TMEM132D: variants seen among roughly 807,000 people sequenced by gnomAD.
The protein encoded by TMEM132D is mature OL transmembrane protein.
Under a neutral mutation model 62.3 loss-of-function variants are expected in TMEM132D, and 21 were observed. The observed-to-expected ratio is 0.34, with a 90% CI of 0.24 to 0.49. The LOEUF is 0.49. Among genes scored for constraint, TMEM132D ranks in the 20% least tolerant of loss-of-function variants. TMEM132D has a pLI of 0.99. For missense variants in TMEM132D, 1,346 were observed against 1,402.8 expected, an observed-to-expected ratio of 0.96 and a Z score of 0.65; for synonymous variants, 621 against 575.6, an observed-to-expected ratio of 1.08 and a Z score of -1.13.
At chr12:129,769,101 T>C (rs1870646492) in intron 1 of TMEM132D, among the ~76,000 whole-genome samples, 1 of 152,186 alleles carries the variant, frequency 6.6e-6, no homozygotes, top group Admixed American at 6.5e-5. Flanking sequence ...ATTTCATCAT[T>C]TTATAAGAGC....
At chr12:129,311,064 A>G (rs57323633) in intron 4 of TMEM132D, among the ~76,000 whole-genome samples, 2,148 of 137,086 alleles carry the variant, frequency 0.016, 465 homozygotes, top group African/African-American at 0.059. Flanking sequence ...CGGGCGTGGT[A>G]GCGGGCGCCT....
intron 3 of TMEM132D, among the ~76,000 whole-genome samples, chr12:129,515,252 T>C (rs894313094): frequency 1.3e-5 from 2 of 152,208 alleles, no homozygotes; most frequent in African/African-American, 2.4e-5. Context: ...TTGCTGTCGG[T>C]ACACTGGTTT....
At chr12:129,702,703 C>T (rs1167301389) in intron 1 of TMEM132D, among the ~76,000 whole-genome samples, 1 of 152,176 alleles carries the variant, frequency 6.6e-6, no homozygotes, top group Non-Finnish European at 1.5e-5. Flanking sequence ...TGTGATATGC[C>T]AGGGAGCAGA....
chr12:129,743,633 G>A (rs1014224355), intron 1 of TMEM132D, among the ~76,000 whole-genome samples: 19 of 152,154 alleles, frequency 1.2e-4, no homozygotes, highest in Non-Finnish European at 1.8e-4. Flanking sequence ...AAAAAAATAT[G>A]CTCGTGCCCT....
At chr12:129,324,863 T>G (rs1015090225) in intron 4 of TMEM132D, among the ~76,000 whole-genome samples, 1 of 152,196 alleles carries the variant, frequency 6.6e-6, no homozygotes, top group African/African-American at 2.4e-5. Flanking sequence ...CTACTTTAAT[T>G]TTTTTGCATG....
At chr12:129,685,945 C>T (rs1446645663) in intron 2 of TMEM132D, among the ~76,000 whole-genome samples, 4 of 152,160 alleles carry the variant, frequency 2.6e-5, no homozygotes, top group African/African-American at 9.7e-5. Context: ...TTGTTTTGAC[C>T]AGTTTCTCCC....
intron 4 of TMEM132D, among the ~76,000 whole-genome samples, chr12:129,272,943 C>T (rs767521602): frequency 6.6e-6 from 1 of 151,814 alleles, no homozygotes; most frequent in Non-Finnish European, 1.5e-5. Flanking sequence ...TGCCTGTAAT[C>T]CCAGCACTTT....
intron 1 of TMEM132D, among the ~76,000 whole-genome samples, chr12:129,786,323 G>C (rs972447023): frequency 6.6e-6 from 1 of 152,098 alleles, no homozygotes; most frequent in East Asian, 1.9e-4. Context: ...CTGTACTGTG[G>C]GTGTGGAGTT....
chr12:129,288,904 A>T (rs1881372550), intron 4 of TMEM132D, among the ~76,000 whole-genome samples: 1 of 152,228 alleles, frequency 6.6e-6, no homozygotes, highest in Admixed American at 6.5e-5. Flanking sequence ...AGCCTAATAA[A>T]GAATAAAATT....
At chr12:129,303,691 G>C (rs936635380) in intron 4 of TMEM132D, among the ~76,000 whole-genome samples, 2 of 152,110 alleles carry the variant, frequency 1.3e-5, no homozygotes, top group Non-Finnish European at 2.9e-5. Context: ...AGATGTGTAC[G>C]AGAAGATTTG....
chr12:129,752,723 A>G (rs1253218294), intron 1 of TMEM132D, among the ~76,000 whole-genome samples: 4 of 152,206 alleles, frequency 2.6e-5, no homozygotes, highest in African/African-American at 9.6e-5. Flanking sequence ...GGCCCTGTGC[A>G]GCTTTGGGGA....
chr12:129,411,368 G>GTTTGT (rs1355799269), intron 3 of TMEM132D, among the ~76,000 whole-genome samples: 2 of 151,952 alleles, frequency 1.3e-5, no homozygotes, highest in Non-Finnish European at 2.9e-5. Context: ...TTTGGTTTGG[G>GTTTGT]CTTGTTTTGT....
At chr12:129,385,090 T>C (rs1405990156) in intron 3 of TMEM132D, among the ~76,000 whole-genome samples, 7 of 123,860 alleles carry the variant, frequency 5.7e-5, no homozygotes, top group Admixed American at 3.1e-4. Context: ...AAGTTCTTTT[T>C]TTTTTTTTTT....
chr12:129,804,389 C>T (rs1288995330), intron 1 of TMEM132D, among the ~76,000 whole-genome samples: 142 of 109,514 alleles, frequency 1.3e-3, no homozygotes, highest in African/African-American at 3.9e-3. Flanking sequence ...GTTCAATATA[C>T]GCAAATCAAT....
In TMEM132D at chr12:129,089,513, G is replaced by A. The variant is rs1332008994; in HGVS notation, c.1444-4811C>T. ...CCATGACCGGGTGTCCTCTATGACC[G>A]GGTGTCCTCCATGACCGGGTGTCCT... is the stretch of plus-strand genomic sequence containing the variant. On this transcript the variant is annotated intron_variant, in intron 5 of 8. Transcript: ENST00000422113. Among the ~76,000 whole-genome samples, 6 of 76,822 alleles carry A rather than the reference G, an allele frequency of 7.8e-5. 2 individuals are homozygous for A. Among genetic ancestry groups the A allele is most frequent in the South Asian group, 9.8e-4 (2 of 2,044 alleles). 50.4% of individuals were successfully genotyped at this position (76,822 alleles called of 152,430 possible). A position where few individuals can be genotyped will look rare whatever the true frequency, so the allele number is the denominator to read the frequency against.
intron 1 of TMEM132D, among the ~76,000 whole-genome samples, chr12:129,861,757 G>GA (rs11405892): frequency 0.73 from 96,420 of 132,756 alleles, 35,215 homozygotes; most frequent in East Asian, 0.92. Flanking sequence ...CTGTCTCAAA[G>GA]AAAAAAAAAA....
intron 4 of TMEM132D, among the ~76,000 whole-genome samples, chr12:129,266,137 G>A (rs566790410): frequency 6.6e-6 from 1 of 152,084 alleles, no homozygotes; most frequent in South Asian, 2.1e-4. Flanking sequence ...CATATTGGAT[G>A]GTCATTTCAG....
At chr12:129,172,661 C>A (rs570423132) in intron 5 of TMEM132D, among the ~76,000 whole-genome samples, 4 of 152,186 alleles carry the variant, frequency 2.6e-5, no homozygotes, top group African/African-American at 4.8e-5. Flanking sequence ...TCACTGCAAC[C>A]TCTGCCTCCC....
chr12:129,267,259 T>C (rs1011295322), intron 4 of TMEM132D, among the ~76,000 whole-genome samples: 1 of 152,180 alleles, frequency 6.6e-6, no homozygotes, highest in Non-Finnish European at 1.5e-5. Context: ...TGTTTGCAGA[T>C]GACATGATTA....
Sources: gnomAD v4.1 joint callset for allele counts (sites outside exome capture counted in the v4.1 genomes callset) on GRCh38, gnomAD v4.1.1 for gene constraint, MANE v1.5 for transcripts, NCBI Gene and HGNC (gene_info 2026-07-23, HGNC 2026-07-21) for gene names.